Variants in HERC2 observed in about 807,000 individuals in gnomAD.
The protein encoded by HERC2 is HECT and RLD domain containing E3 ubiquitin protein ligase 2, also known as E3 ubiquitin-protein ligase HERC2.
HERC2 carries 102 observed loss-of-function variants against 537.7 expected under a neutral mutation model. The observed-to-expected ratio is 0.19, with a 90% CI of 0.16 to 0.22. The LOEUF (loss-of-function observed/expected upper bound fraction) is 0.22, where lower values mean the gene tolerates loss of function less well. HERC2 is among the 10% of genes least tolerant of loss of function. The pLI, the probability that HERC2 is intolerant of heterozygous loss-of-function variation, is 1.00. For missense variants in HERC2, 4,236 were observed against 6,198.2 expected, an observed-to-expected ratio of 0.68 and a Z score of 10.63; for synonymous variants, 2,224 against 2,466.2, an observed-to-expected ratio of 0.90 and a Z score of 2.91.
intron 2 of HERC2, among the ~76,000 whole-genome samples, chr15:28,305,715 A>C (rs1273448938): frequency 8.8e-5 from 12 of 137,036 alleles, no homozygotes; most frequent in Admixed American, 7.6e-4. Context: ...GCACAGCAAA[A>C]GAAACTACCA....
intron 67 of HERC2, 131 bp from the exon 68 acceptor site, chr15:28,167,958 G>A: frequency 4.9e-6 from 5 of 1,014,412 alleles, no homozygotes; most frequent in Non-Finnish European, 7.1e-6. Context: ...ATTTTACAGA[G>A]GTAACATGGT....
At chr15:28,300,382 C>A (rs1287733660) in intron 2 of HERC2, among the ~76,000 whole-genome samples, 1 of 149,140 alleles carries the variant, frequency 6.7e-6, no homozygotes, top group Non-Finnish European at 1.5e-5. Context: ...AACTACATAT[C>A]ATTAATATAA....
intron 44 of HERC2, among the ~76,000 whole-genome samples, chr15:28,208,800 C>T (rs951044852): frequency 1.3e-5 from 2 of 152,206 alleles, no homozygotes; most frequent in African/African-American, 4.8e-5. Context: ...CAGTGCTCAG[C>T]TGCCACTGGC....
intron 56 of HERC2, among the ~76,000 whole-genome samples, chr15:28,183,913 C>G (rs971507269): frequency 7.2e-5 from 11 of 152,114 alleles, no homozygotes; most frequent in African/African-American, 2.7e-4. Context: ...GGGGACCAGG[C>G]ACAGTAGCTC....
At chr15:28,200,890 CAA>C (rs1242254297) in intron 48 of HERC2, among the ~76,000 whole-genome samples, 1 of 139,424 alleles carries the variant, frequency 7.2e-6, no homozygotes, top group Non-Finnish European at 1.5e-5. Context: ...AGAATTAGGA[CAA>C]GAAATGATTT....
rs1453693762 is a variant in HERC2, at chr15:28,271,457, G to A, written c.1084-589C>T. Among the ~76,000 whole-genome samples, 4 of 152,220 alleles carry A rather than the reference G, an allele frequency of 2.6e-5. No individual in the cohort carries two copies. In the East Asian group the frequency reaches 5.8e-4, roughly 22 times the overall value. On this transcript the variant is annotated intron_variant, in intron 9 of 92. Coordinates refer to ENST00000261609, the MANE Select transcript of HERC2 (RefSeq NM_004667.6). ...GCAGGCGCAGGCGGATCACAAGGTC[G>A]AGAGATCGAGACCATCCTGGGTAAC... is the stretch of plus-strand genomic sequence containing the variant.
chr15:28,287,574 CA>C (rs1181542833), intron 4 of HERC2, among the ~76,000 whole-genome samples: 1 of 152,112 alleles, frequency 6.6e-6, no homozygotes, highest in Non-Finnish European at 1.5e-5. Flanking sequence ...AAAATCACAA[CA>C]AATCTTTATC....
intron 52 of HERC2, among the ~76,000 whole-genome samples, chr15:28,195,469 A>T (rs1360249564): frequency 6.6e-6 from 1 of 152,210 alleles, no homozygotes; most frequent in Non-Finnish European, 1.5e-5. Context: ...TCACAAAGAA[A>T]AAAAGTGATA....
rs1181623149 is a variant in HERC2 at position 28,182,520 on chromosome 15, A to T, written c.8826-8T>A. 1.3e-6 allele frequency: 2 copies of T among 1,582,492 alleles called. No homozygotes were observed. Among genetic ancestry groups the T allele is most frequent in the Non-Finnish European group, 1.7e-6 (2 of 1,157,796 alleles). Reference sequence around the variant, plus strand: ...GCCTTCTTTCTAATGAGGCTAACCAAACGGAAAAAAAAAAGAAAAAGAAAA... The same window carrying T: ...GCCTTCTTTCTAATGAGGCTAACCATACGGAAAAAAAAAAGAAAAAGAAAA... On this transcript the variant is annotated splice_polypyrimidine_tract_variant and splice_region_variant and intron_variant, in intron 56 of 92. Transcript: ENST00000261609.
At chr15:28,132,946 A>T in intron 79 of HERC2, 116 bp from the exon 80 acceptor site, 1 of 890,844 alleles carries the variant, frequency 1.1e-6, no homozygotes, top group South Asian at 2.6e-5. Flanking sequence ...AAATCAATCA[A>T]GAAGAATCAT....
At position 28,288,710 on chromosome 15, in the gene HERC2, C is replaced by T. The variant is rs558979767; in HGVS notation, c.322+4178G>A. Among the ~76,000 whole-genome samples, 4 of 150,158 alleles carry T rather than the reference C, an allele frequency of 2.7e-5. No individual in the cohort carries two copies. In the East Asian group the frequency reaches 6.0e-4, roughly 23 times the overall value. ...AAAATACAAAAACATTAGCCAGGCA[C>T]GGTGGTGCCTGCCTGTAATCCCAGC... On this transcript the variant is annotated intron_variant, in intron 4 of 92. Transcript: ENST00000261609.
At chr15:28,301,205 A>C (rs1233745825) in intron 2 of HERC2, among the ~76,000 whole-genome samples, 1 of 151,986 alleles carries the variant, frequency 6.6e-6, no homozygotes, top group Non-Finnish European at 1.5e-5. Flanking sequence ...ACTTGAGGTC[A>C]GGAGTTCGAG....
intron 3 of HERC2, among the ~76,000 whole-genome samples, chr15:28,295,800 TAA>T: frequency 6.6e-6 from 1 of 152,262 alleles, no homozygotes; most frequent in Admixed American, 6.5e-5. Flanking sequence ...TGTCCATAAA[TAA>T]AGTTTACAGA....
rs1895604079 is a variant in HERC2 at position 28,179,325 on chromosome 15, G to A, written c.8938-102C>T. ...ATATGATACAAGGAATTACAGTTAT[G>A]CACTGTGTAACATTTCACTCAACCA... is the stretch of plus-strand genomic sequence containing the variant. On this transcript the variant is annotated intron_variant, in intron 57 of 92. Coordinates refer to ENST00000261609, the MANE Select transcript of HERC2 (RefSeq NM_004667.6). 1.9e-5 allele frequency: 17 copies of A among 878,552 alleles called. 1 individual carries two copies. The South Asian group carries it at 2.3e-4, about 12-fold the overall frequency. 54.4% of individuals were successfully genotyped at this position (878,552 alleles called of 1,614,324 possible). A position where few individuals can be genotyped will look rare whatever the true frequency, so the allele number is the denominator to read the frequency against.
At chr15:28,195,778 C>T (rs1897297000) in intron 52 of HERC2, among the ~76,000 whole-genome samples, 1 of 152,086 alleles carries the variant, frequency 6.6e-6, no homozygotes, top group African/African-American at 2.4e-5. Flanking sequence ...CAACACTGTA[C>T]TTAAGGTACT....
Position 28,229,615 on chromosome 15 carries a change from T to C in HERC2, c.4984-19A>G. On this transcript the variant is annotated intron_variant, in intron 32 of 92. Coordinates refer to ENST00000261609, the MANE Select transcript of HERC2 (RefSeq NM_004667.6). ...TCTCCAACTGCAAAATATCAATGCA[T>C]ACAGTTAAGTGTTATGTATATTACC... The C allele has an allele frequency of 6.2e-7, 1 of 1,601,788 alleles. No homozygotes were observed. Among genetic ancestry groups the C allele is most frequent in the Non-Finnish European group, 8.5e-7 (1 of 1,170,334 alleles).
chr15:28,300,053 A>T (rs989227965), intron 2 of HERC2, among the ~76,000 whole-genome samples: 61 of 21,974 alleles, frequency 2.8e-3, no homozygotes, highest in African/African-American at 4.2e-3. Flanking sequence ...ACTCGGTGTT[A>T]AAAAAAAAAA....
chr15:28,202,233 G>C lies in HERC2; in HGVS notation c.7497C>G (p.Val2499=). 4 of 1,610,586 alleles carry C rather than the reference G, an allele frequency of 2.5e-6. No individual in the cohort carries two copies. The highest frequency in any genetic ancestry group is 3.4e-6 in the Non-Finnish European group (4 of 1,177,492). Residue 2499 remains valine (V), a synonymous_variant, in exon 47 of 93, where the codon GTC becomes GTG. Transcript: ENST00000261609. ...ASSLPGVEAL[V]GWLLDHSDIQ... is the part of the protein sequence containing the mutation. ...TGTCGGAGTGGTCCAGCAGCCACCC[G>C]ACCAAGGCTTCCACACCTAAGAGAG...
In HERC2 at chr15:28,111,879, C is replaced by T. The variant is rs777207374; in HGVS notation, c.14389G>A (p.Ala4797Thr). The change falls in exon 93 of 93, where the codon GCT (alanine) becomes ACT (threonine). Residue 4797 changes from alanine to threonine, a missense_variant. Around this residue, in one of 27 missense-constraint regions of HERC2, gnomAD observed 313 missense variants for 462.6 expected, o/e 0.68. Coordinates refer to ENST00000261609, the MANE Select transcript of HERC2 (RefSeq NM_004667.6). ...FCKSIDTDDYARIALTGEPAA... is the reference protein window; with the variant it reads ...FCKSIDTDDYTRIALTGEPAA... ...GGCTCTCCTGTAAGTGCGATGCGAG[C>T]GTAGTCATCTGTGTCTATGGACTTG... 3 of 1,614,206 alleles carry T rather than the reference C, an allele frequency of 1.9e-6. No individual in the cohort carries two copies. The highest frequency in any genetic ancestry group is 1.1e-5 in the South Asian group (1 of 91,082).
Sources: gnomAD v4.1 joint callset for allele counts (sites outside exome capture counted in the v4.1 genomes callset) on GRCh38, gnomAD v4.1.1 for gene constraint, gnomAD v4.1.1 regional missense constraint, MANE v1.5 for transcripts, NCBI Gene and HGNC (gene_info 2026-07-23, HGNC 2026-07-21) for gene names.